CHL1: variants seen among roughly 807,000 people sequenced by gnomAD.
CHL1 encodes the protein neural cell adhesion molecule L1-like protein.
In CHL1, 96 loss-of-function variants were observed where a neutral mutation model predicts 141.9. The observed-to-expected ratio is 0.68, with a 90% CI of 0.57 to 0.80. CHL1 has a LOEUF of 0.80. Ranked by LOEUF, CHL1 falls within the 30% of genes least tolerant of loss-of-function variation. CHL1 has a pLI of 0.00. For missense variants in CHL1, 1,820 were observed against 1,457.2 expected (o/e 1.25, Z -4.05); for synonymous variants, 613 against 502.2 (o/e 1.22, Z -2.95).
intron 1 of CHL1, among the ~76,000 whole-genome samples, chr3:235,358 A>C (rs1691864455): frequency 6.6e-6 from 1 of 152,162 alleles, no homozygotes; most frequent in Non-Finnish European, 1.5e-5. Context: ...GGTCATTGTT[A>C]AATGAAGGAC....
chr3:337,181 T>A (rs1287675177), intron 5 of CHL1, among the ~76,000 whole-genome samples: 1 of 108,320 alleles, frequency 9.2e-6, no homozygotes, highest in Non-Finnish European at 1.8e-5. Context: ...CCAAACATTC[T>A]TTTGTTTTTG....
At chr3:311,729 G>C (rs963436574) in intron 2 of CHL1, among the ~76,000 whole-genome samples, 1 of 152,106 alleles carries the variant, frequency 6.6e-6, no homozygotes, top group African/African-American at 2.4e-5. Context: ...TGTGAAAAGT[G>C]GTTACCTGGA....
chr3:246,079 T>C (rs1208567630), intron 2 of CHL1, among the ~76,000 whole-genome samples: 1 of 152,162 alleles, frequency 6.6e-6, no homozygotes, highest in Non-Finnish European at 1.5e-5. Context: ...TTGTGTGGGA[T>C]ACATTTATTC....
intron 1 of CHL1, among the ~76,000 whole-genome samples, chr3:214,842 C>G (rs535258098): frequency 5.2e-4 from 79 of 152,212 alleles, no homozygotes; most frequent in African/African-American, 1.8e-3. Flanking sequence ...ATAACTCTGT[C>G]TTCTGGAATT....
At chr3:341,299 A>G (rs1167186571) in intron 6 of CHL1, among the ~76,000 whole-genome samples, 3 of 152,206 alleles carry the variant, frequency 2.0e-5, no homozygotes, top group Admixed American at 6.5e-5. Context: ...TGTAAAGTCT[A>G]CTTCTAGCAT....
chr3:290,908 C>T (rs1480358597), intron 2 of CHL1, among the ~76,000 whole-genome samples: 4 of 147,130 alleles, frequency 2.7e-5, no homozygotes, highest in Non-Finnish European at 4.5e-5. Context: ...TGCACTCCAG[C>T]TTGGGCAATA....
intron 2 of CHL1, among the ~76,000 whole-genome samples, chr3:313,198 A>G (rs561727608): frequency 1.3e-5 from 2 of 152,302 alleles, no homozygotes; most frequent in East Asian, 3.9e-4. Context: ...AATGGTGACG[A>G]TAAGAGTCAC....
intron 1 of CHL1, among the ~76,000 whole-genome samples, chr3:228,552 CTATT>C (rs1196011967): frequency 1.3e-5 from 2 of 152,112 alleles, no homozygotes; most frequent in Non-Finnish European, 2.9e-5. Context: ...CTTTCCATCT[CTATT>C]TATTTTCTTC....
chr3:368,142 T>G (rs895095292), intron 15 of CHL1, among the ~76,000 whole-genome samples: 2 of 152,238 alleles, frequency 1.3e-5, no homozygotes, highest in Non-Finnish European at 2.9e-5. Context: ...CAAATGGTAT[T>G]TCTGGTTCTA....
chr3:326,121 T>C lies in CHL1; in HGVS notation c.197+57T>C, dbSNP rs1434582003. 33 of 999,516 alleles carry C rather than the reference T, an allele frequency of 3.3e-5. 1 individual carries two copies. Among genetic ancestry groups the C allele is most frequent in the South Asian group, 2.9e-5 (2 of 68,408 alleles). The allele number at this position is 999,516 out of a possible 1,614,324, so 61.9% of individuals were successfully genotyped here. On this transcript the variant is annotated intron_variant, in intron 4 of 27. Coordinates refer to ENST00000256509, the MANE Select transcript of CHL1 (RefSeq NM_006614.4). ...AAATGCGTGCTGTTCTTTATGCTGC[T>C]CTTTACTCTTACCATCACAAGCCTG...
chr3:320,288 T>C (rs1188631052), intron 3 of CHL1, among the ~76,000 whole-genome samples: 1 of 152,032 alleles, frequency 6.6e-6, no homozygotes, highest in African/African-American at 2.4e-5. Flanking sequence ...AATGATTATA[T>C]TTAAGAATGA....
chr3:249,961 A>G (rs555679995), intron 2 of CHL1, among the ~76,000 whole-genome samples: 3 of 151,716 alleles, frequency 2.0e-5, no homozygotes, highest in South Asian at 2.1e-4. Context: ...GATTAATAGG[A>G]AAAAAAAGCA....
rs756784095 is a variant in CHL1 at position 319,816 on chromosome 3, C to T, written c.40C>T (p.Leu14=). The part of the protein sequence containing the change: ...LLLGRGLIVY[L]MFLLLKFSKA... ...ACTTGGAAGAGGACTAATCGTATATCTAATGTTCCTCCTGTTAAAATTCTC... is the reference window on the plus strand; with the variant it reads ...ACTTGGAAGAGGACTAATCGTATATTTAATGTTCCTCCTGTTAAAATTCTC... Residue 14 remains leucine (L), a synonymous_variant, in exon 3 of 28, where the codon CTA becomes TTA. Transcript: ENST00000256509. The T allele has an allele frequency of 1.9e-6, 3 of 1,606,410 alleles. No individual in the cohort carries two copies. Among genetic ancestry groups the T allele is most frequent in the Middle Eastern group, 1.7e-4 (1 of 6,016 alleles).
At position 363,264 on chromosome 3, in the gene CHL1, T is replaced by C. The variant is rs1458213222; in HGVS notation, c.1466T>C (p.Ile489Thr). Residue 489 changes from isoleucine (I) to threonine (T), a missense_variant, in exon 14 of 28, where the codon ATC becomes ACC. Transcript: ENST00000256509. ...VKPLEGRRYH[I>T]YENGTLQINR... The stretch of plus-strand genomic sequence containing the variant: ...CCCCTGGAGGGCAGGCGGTATCATA[T>C]CTATGAAAATGGCACATTGCAGATC... 9.9e-6 allele frequency: 16 copies of C among 1,613,534 alleles called. No homozygotes were observed. The highest frequency in any genetic ancestry group is 1.7e-6 in the Non-Finnish European group (2 of 1,179,720).
chr3:213,163 T>A (rs1204945342), intron 1 of CHL1: 1 of 152,220 alleles, frequency 6.6e-6, no homozygotes, highest in Non-Finnish European at 1.5e-5. Context: ...TTGTTATTAA[T>A]GTTCTATTAA....
chr3:399,559 G>C (rs1274224281), intron 26 of CHL1, among the ~76,000 whole-genome samples: 2 of 152,132 alleles, frequency 1.3e-5, no homozygotes, highest in Non-Finnish European at 2.9e-5. Context: ...AGAATCACTT[G>C]AACCCGGGAG....
intron 2 of CHL1, 83 bp from the exon 3 acceptor site, chr3:319,591 CAAAAAAAAA>C (rs35995557): frequency 9.9e-6 from 3 of 304,372 alleles, no homozygotes; most frequent in Admixed American, 6.3e-5. Flanking sequence ...ACTGCCAAAC[CAAAAAAAAA>C]AAAAAAAAAA....
At chr3:199,042 T>G (rs1454098179) in intron 1 of CHL1, among the ~76,000 whole-genome samples, 6 of 152,252 alleles carry the variant, frequency 3.9e-5, no homozygotes. Context: ...CTGCAGATGT[T>G]GCAGTTGGGT....
At chr3:371,492 T>C (rs565377293) in intron 15 of CHL1, among the ~76,000 whole-genome samples, 1 of 152,226 alleles carries the variant, frequency 6.6e-6, no homozygotes, top group African/African-American at 2.4e-5. Context: ...TTTGAATCTA[T>C]GTGTGTCTTT....
Sources: gnomAD v4.1 joint callset for allele counts (sites outside exome capture counted in the v4.1 genomes callset) on GRCh38, gnomAD v4.1.1 for gene constraint, MANE v1.5 for transcripts, NCBI Gene and HGNC (gene_info 2026-07-23, HGNC 2026-07-21) for gene names.